PITPNB: variants seen among roughly 807,000 people sequenced by gnomAD.
PITPNB encodes the protein phosphatidylinositol transfer protein beta, also known as phosphatidylinositol transfer protein beta isoform.
Under a neutral mutation model 45.9 loss-of-function variants are expected in PITPNB, and 16 were observed. The observed-to-expected ratio is 0.35, with a 90% CI of 0.24 to 0.53. The LOEUF is 0.53. Among genes scored for constraint, PITPNB ranks in the 20% least tolerant of loss-of-function variants. The probability of loss-of-function intolerance (pLI) is 0.93; values close to 1 mark genes in which losing one functional copy is unlikely to be tolerated. For synonymous variants in PITPNB, 112 were observed against 108.9 expected, an observed-to-expected ratio of 1.03 and a Z score of -0.18; for missense variants, 188 against 330.5, an observed-to-expected ratio of 0.57 and a Z score of 3.34.
chr22:27,859,683 A>C (rs1054146722), intron 9 of PITPNB, among the ~76,000 whole-genome samples: 2 of 152,186 alleles, frequency 1.3e-5, no homozygotes, highest in Non-Finnish European at 2.9e-5. Flanking sequence ...ACCTCTAAAG[A>C]AGACATCCCC....
chr22:27,873,888 T>G, intron 7 of PITPNB, 73 bp from the exon 8 acceptor site: 15 of 938,692 alleles, frequency 1.6e-5, no homozygotes, highest in Non-Finnish European at 2.6e-5. Context: ...AGAATAGCTC[T>G]TCGCAGCTAC....
chr22:27,891,133 C>T (rs1156960266), intron 7 of PITPNB, among the ~76,000 whole-genome samples: 3 of 152,128 alleles, frequency 2.0e-5, no homozygotes, highest in African/African-American at 7.2e-5. Flanking sequence ...GTGATGAAAA[C>T]GTTTTGCAGC....
In PITPNB at chr22:27,852,707, T is replaced by C. The variant is rs1934054914; in HGVS notation, c.*995A>G. The C allele has an allele frequency of 6.6e-6, 1 of 152,574 alleles. No individual in the cohort carries two copies. Among genetic ancestry groups the C allele is most frequent in the Non-Finnish European group, 1.5e-5 (1 of 68,044 alleles). 9.5% of individuals were successfully genotyped at this position (152,574 alleles called of 1,614,324 possible). A position where few individuals can be genotyped will look rare whatever the true frequency, so the allele number is the denominator to read the frequency against. On this transcript the variant is annotated 3_prime_UTR_variant, in exon 12 of 12. Transcript: ENST00000335272. ...CTCTGAGGAATCTAGACCATTTGCATAGTTTCCAAGCTGTAGTTACAGAAA... is the reference window on the plus strand; with the variant it reads ...CTCTGAGGAATCTAGACCATTTGCACAGTTTCCAAGCTGTAGTTACAGAAA...
chr22:27,888,265 C>T (rs1349150942), intron 7 of PITPNB, among the ~76,000 whole-genome samples: 1 of 152,066 alleles, frequency 6.6e-6, no homozygotes, highest in Non-Finnish European at 1.5e-5. Flanking sequence ...AATCAGTTCC[C>T]GATTGATAAA....
intron 7 of PITPNB, 61 bp from the exon 8 acceptor site, chr22:27,873,876 C>A: frequency 9.3e-7 from 1 of 1,072,780 alleles, no homozygotes; most frequent in Non-Finnish European, 1.4e-6. Context: ...TTTAACCGTG[C>A]CAGAATAGCT....
At position 27,892,713 on chromosome 22, in the gene PITPNB, C is replaced by G. The variant is rs1935315158; in HGVS notation, c.456+1842G>C. ...AAAGGGCATAACAGATATATCATTT[C>G]ATTTCTACAGATTGAAAAACTCCCT... On this transcript the variant is annotated intron_variant, in intron 7 of 11. Coordinates refer to ENST00000335272, the MANE Select transcript of PITPNB (RefSeq NM_012399.5). Among the ~76,000 whole-genome samples the G allele has an allele frequency of 2.6e-5, 4 of 152,314 alleles. No homozygotes were observed. In the South Asian group the frequency reaches 8.3e-4, roughly 32 times the overall value.
chr22:27,911,593 A>G (rs1174187754), intron 2 of PITPNB, among the ~76,000 whole-genome samples: 2 of 152,210 alleles, frequency 1.3e-5, no homozygotes, highest in Admixed American at 6.5e-5. Flanking sequence ...GTAAACTGTA[A>G]TAACAAAAGC....
chr22:27,872,081 GTTTTTTTTTT>G (rs58288724), intron 8 of PITPNB, among the ~76,000 whole-genome samples: 10 of 64,366 alleles, frequency 1.6e-4, no homozygotes, highest in Non-Finnish European at 2.2e-4. Flanking sequence ...ATTAAGCCTG[GTTTTTTTTTT>G]TTTTTTTTTT....
intron 2 of PITPNB, among the ~76,000 whole-genome samples, chr22:27,912,075 A>T (rs779642130): frequency 3.3e-5 from 5 of 152,196 alleles, no homozygotes; most frequent in Admixed American, 1.3e-4. Flanking sequence ...GAAGAAGTGT[A>T]TTTCTTCTTT....
intron 8 of PITPNB, among the ~76,000 whole-genome samples, chr22:27,862,813 G>T (rs1934377810): frequency 6.6e-6 from 1 of 152,136 alleles, no homozygotes; most frequent in African/African-American, 2.4e-5. Context: ...TGCTGCCCTT[G>T]GTGTCAATAT....
In PITPNB at chr22:27,919,097, C is replaced by T. The variant is rs1166159968; in HGVS notation, c.20+75G>A. On this transcript the variant is annotated intron_variant, in intron 1 of 11. Transcript: ENST00000335272. ...AGGGCTGACTCCGATTTAGGAATAT[C>T]CTACCACTTCTCCATCAACAAATCT... 11 of 1,611,880 alleles carry T rather than the reference C, an allele frequency of 6.8e-6. No homozygotes were observed. In the African/African-American group the frequency reaches 1.1e-4, roughly 16 times the overall value.
At chr22:27,877,391 T>C (rs1601395499) in intron 7 of PITPNB, among the ~76,000 whole-genome samples, 3 of 152,276 alleles carry the variant, frequency 2.0e-5, no homozygotes, top group Admixed American at 2.0e-4. Context: ...AAAACTCTTA[T>C]TTAAGAAAAA....
At position 27,911,076 on chromosome 22, in the gene PITPNB, C is replaced by T; in HGVS notation, c.85G>A (p.Ala29Thr). ...CCACCACCAGTCTCATTCTTACTAG[C>T]TTCTGCAACAGAGTAAAGCTGCCCA... is the stretch of plus-strand genomic sequence containing the variant. ...QVGQLYSVAEASKNETGGGEG... is the reference protein window; with the variant it reads ...QVGQLYSVAETSKNETGGGEG... Residue 29 changes from alanine (A) to threonine (T), a missense_variant, in exon 3 of 12, where the codon GCT becomes ACT. Physicochemically the swap from Ala to Thr is moderately conservative, Grantham distance 58. Coordinates refer to ENST00000335272, the MANE Select transcript of PITPNB (RefSeq NM_012399.5). 1 of 1,612,812 alleles carries T rather than the reference C, an allele frequency of 6.2e-7. No homozygotes were observed. The highest frequency in any genetic ancestry group is 8.5e-7 in the Non-Finnish European group (1 of 1,178,900).
rs778131441 is a variant in PITPNB, at chr22:27,897,143, G to C, written c.290-6C>G. The stretch of plus-strand genomic sequence containing the variant: ...AGTTTTACTCACCGTTACAACTGAG[G>C]CATAATGGAGAGGTAGGTAATGAAA... On this transcript the variant is annotated splice_polypyrimidine_tract_variant and splice_region_variant and intron_variant, in intron 4 of 11. Transcript: ENST00000335272. 9 of 1,568,060 alleles carry C rather than the reference G, an allele frequency of 5.7e-6. No homozygotes were observed. Among genetic ancestry groups the C allele is most frequent in the Non-Finnish European group, 7.9e-6 (9 of 1,137,944 alleles).
intron 8 of PITPNB, among the ~76,000 whole-genome samples, chr22:27,861,476 G>C (rs956615674): frequency 1.3e-5 from 2 of 152,180 alleles, no homozygotes; most frequent in African/African-American, 4.8e-5. Context: ...CCAGGAGCTT[G>C]CAGCATACAT....
chr22:27,881,091 T>C (rs939414504), intron 7 of PITPNB, among the ~76,000 whole-genome samples: 2 of 152,244 alleles, frequency 1.3e-5, no homozygotes. Context: ...AGTGGAATAA[T>C]GTAGGAAACA....
chr22:27,885,279 T>C lies in PITPNB; in HGVS notation c.456+9276A>G, dbSNP rs561432097. On this transcript the variant is annotated intron_variant, in intron 7 of 11. Transcript: ENST00000335272. ...CAGAAGCAGATGTCAACTGACTCATTTGTGTATATTTTGGAAATGTGCTGA... is the reference window on the plus strand; with the variant it reads ...CAGAAGCAGATGTCAACTGACTCATCTGTGTATATTTTGGAAATGTGCTGA... Among the ~76,000 whole-genome samples the C allele has an allele frequency of 3.6e-5, 5 of 140,778 alleles. No individual in the cohort carries two copies. In the South Asian group the frequency reaches 9.0e-4, roughly 25 times the overall value. 92.4% of individuals were successfully genotyped at this position (140,778 alleles called of 152,430 possible). A position where few individuals can be genotyped will look rare whatever the true frequency, so the allele number is the denominator to read the frequency against.
Position 27,899,257 on chromosome 22 carries a change from C to T in PITPNB, c.198-1365G>A, listed in dbSNP as rs143999139. ...GAGCTGGGTATTTTCATATGCCTTT[C>T]TTCATTTAAATCTTCCTTAATGTCT... On this transcript the variant is annotated intron_variant, in intron 3 of 11. Coordinates refer to ENST00000335272, the MANE Select transcript of PITPNB (RefSeq NM_012399.5). 2.0e-5 allele frequency among the ~76,000 whole-genome samples: 3 copies of T among 152,346 alleles called. No homozygotes were observed. In the East Asian group the frequency reaches 5.8e-4, roughly 29 times the overall value.
chr22:27,895,973 C>T (rs886100372), intron 6 of PITPNB, among the ~76,000 whole-genome samples: 2 of 152,238 alleles, frequency 1.3e-5, no homozygotes, highest in African/African-American at 4.8e-5. Flanking sequence ...AGTTCCACGA[C>T]AAACCTTACC....
Sources: allele counts gnomAD v4.1 joint callset (sites outside exome capture counted in the v4.1 genomes callset), GRCh38; gene constraint gnomAD v4.1.1; transcripts MANE v1.5; gene names NCBI Gene and HGNC (gene_info 2026-07-23, HGNC 2026-07-21).